KCNB2: variants seen among roughly 807,000 people sequenced by gnomAD.
The protein encoded by KCNB2 is potassium voltage-gated channel subfamily B member 2.
KCNB2 carries 15 observed loss-of-function variants against 61.5 expected under a neutral mutation model. The observed-to-expected ratio is 0.24, with a 90% CI of 0.16 to 0.38. The LOEUF (loss-of-function observed/expected upper bound fraction) is 0.38, where lower values mean the gene tolerates loss of function less well. Among genes scored for constraint, KCNB2 ranks in the 10% least tolerant of loss-of-function variants. The pLI, the probability that KCNB2 is intolerant of heterozygous loss-of-function variation, is 1.00. For synonymous variants in KCNB2, 457 were observed against 446.0 expected (o/e 1.02, Z -0.31); for missense variants, 828 against 1,125.2 (o/e 0.74, Z 3.78).
At chr8:72,903,913 C>T (rs1262034020) in intron 2 of KCNB2, among the ~76,000 whole-genome samples, 31 of 152,140 alleles carry the variant, frequency 2.0e-4, no homozygotes, top group Admixed American at 1.3e-4. Context: ...TTGCCCTTGA[C>T]GAGACTCCAT....
intron 2 of KCNB2, among the ~76,000 whole-genome samples, chr8:72,904,839 C>T (rs948220380): frequency 6.6e-6 from 1 of 152,024 alleles, no homozygotes; most frequent in African/African-American, 2.4e-5. Context: ...CCTTACTTGC[C>T]TCCTTCCCTC....
chr8:72,577,583 T>C (rs998796905), intron 2 of KCNB2, among the ~76,000 whole-genome samples: 4 of 152,202 alleles, frequency 2.6e-5, no homozygotes, highest in African/African-American at 9.7e-5. Context: ...AATATTTTTA[T>C]TAGTCTCCCA....
intron 2 of KCNB2, among the ~76,000 whole-genome samples, chr8:72,806,449 A>G (rs1355032569): frequency 6.6e-6 from 1 of 151,566 alleles, no homozygotes; most frequent in Non-Finnish European, 1.5e-5. Flanking sequence ...CTACTAAAAA[A>G]TACAAAAAAT....
chr8:72,912,641 C>T (rs904190673), intron 2 of KCNB2, among the ~76,000 whole-genome samples: 1 of 151,800 alleles, frequency 6.6e-6, no homozygotes, highest in Non-Finnish European at 1.5e-5. Context: ...ACAACTTTAT[C>T]ATGTAGTACT....
At chr8:72,788,475 A>C (rs191057657) in intron 2 of KCNB2, among the ~76,000 whole-genome samples, 1 of 152,060 alleles carries the variant, frequency 6.6e-6, no homozygotes, top group Non-Finnish European at 1.5e-5. Context: ...CATTTCACCT[A>C]ATTACCCCCT....
chr8:72,869,756 T>C (rs1448821380), intron 2 of KCNB2, among the ~76,000 whole-genome samples: 1 of 152,124 alleles, frequency 6.6e-6, no homozygotes, highest in Non-Finnish European at 1.5e-5. Flanking sequence ...TGTAAATGAG[T>C]ATAGCCACTA....
At chr8:72,844,551 T>C (rs913201660) in intron 2 of KCNB2, among the ~76,000 whole-genome samples, 6 of 152,200 alleles carry the variant, frequency 3.9e-5, no homozygotes, top group Admixed American at 6.5e-5. Context: ...TTGGTTCCAT[T>C]CTCCTTGTCA....
chr8:72,722,549 T>C (rs1585853064), intron 2 of KCNB2, among the ~76,000 whole-genome samples: 1 of 152,212 alleles, frequency 6.6e-6, no homozygotes, highest in East Asian at 1.9e-4. Context: ...TATTCCTTTG[T>C]AGTACTTGTC....
chr8:72,624,243 G>T lies in KCNB2; in HGVS notation c.579+55930G>T, dbSNP rs184100528. Among the ~76,000 whole-genome samples the T allele has an allele frequency of 1.8e-3, 271 of 152,252 alleles. 3 individuals carry two copies. Among genetic ancestry groups the T allele is most frequent in the Non-Finnish European group, 3.1e-3 (212 of 68,034 alleles). Reference sequence around the variant, plus strand: ...CTTGGCTTTCTGTGCTAGTGTCTCAGTCAAAGCTATGGAATTGGATAGTTC... The same window carrying T: ...CTTGGCTTTCTGTGCTAGTGTCTCATTCAAAGCTATGGAATTGGATAGTTC... On this transcript the variant is annotated intron_variant, in intron 2 of 2. Transcript: ENST00000523207.
intron 2 of KCNB2, among the ~76,000 whole-genome samples, chr8:72,818,896 A>G (rs1028096010): frequency 1.3e-5 from 2 of 152,110 alleles, no homozygotes; most frequent in African/African-American, 4.8e-5. Context: ...AGACTCTCCC[A>G]ATCTCACACC....
At chr8:72,923,179 T>A (rs1806557235) in intron 2 of KCNB2, among the ~76,000 whole-genome samples, 1 of 152,078 alleles carries the variant, frequency 6.6e-6, no homozygotes, top group Non-Finnish European at 1.5e-5. Context: ...ATTATGCAGA[T>A]GAAGCCTTCA....
At chr8:72,860,099 T>C (rs1810275839) in intron 2 of KCNB2, among the ~76,000 whole-genome samples, 1 of 152,224 alleles carries the variant, frequency 6.6e-6, no homozygotes, top group Non-Finnish European at 1.5e-5. Context: ...CTGATGGGCA[T>C]TTATGTTGAT....
chr8:72,924,161 G>A (rs1456370261), intron 2 of KCNB2, among the ~76,000 whole-genome samples: 1 of 152,164 alleles, frequency 6.6e-6, no homozygotes, highest in Non-Finnish European at 1.5e-5. Context: ...TGGCTGTCAA[G>A]CACAGGCTGG....
chr8:72,717,797 G>A (rs1034502888), intron 2 of KCNB2, among the ~76,000 whole-genome samples: 1 of 152,144 alleles, frequency 6.6e-6, no homozygotes, highest in Non-Finnish European at 1.5e-5. Context: ...GGCAACAAAA[G>A]CCAAAATTGA....
At chr8:72,688,964 A>G (rs551073032) in intron 2 of KCNB2, among the ~76,000 whole-genome samples, 27 of 152,324 alleles carry the variant, frequency 1.8e-4, no homozygotes, top group African/African-American at 5.8e-4. Flanking sequence ...CCTGGCCTCA[A>G]GCAATCTGTC....
In KCNB2 at chr8:72,834,541, A is replaced by G. The variant is rs62520263; in HGVS notation, c.580-101394A>G. On this transcript the variant is annotated intron_variant, in intron 2 of 2. Transcript: ENST00000523207. ...ATTTCAAATCTTTGACATGGAGTGG[A>G]ACCAAACCAAAATTCCTTGCTGGAA... 8.5e-3 allele frequency among the ~76,000 whole-genome samples: 1,290 copies of G among 152,294 alleles called. 7 individuals carry two copies. Among genetic ancestry groups the G allele is most frequent in the Non-Finnish European group, 0.014 (949 of 68,024 alleles).
intron 2 of KCNB2, among the ~76,000 whole-genome samples, chr8:72,571,037 A>G (rs2128979322): frequency 6.6e-6 from 1 of 152,336 alleles, no homozygotes; most frequent in East Asian, 1.9e-4. Context: ...GTTTTTATAT[A>G]ACTTAATAGA....
At chr8:72,543,955 A>T (rs1340842024) in intron 1 of KCNB2, among the ~76,000 whole-genome samples, 1 of 152,208 alleles carries the variant, frequency 6.6e-6, no homozygotes, top group African/African-American at 2.4e-5. Flanking sequence ...GCGGCTGACT[A>T]AATACAAATA....
intron 2 of KCNB2, among the ~76,000 whole-genome samples, chr8:72,802,153 T>TA (rs1358268424): frequency 6.6e-6 from 1 of 152,204 alleles, no homozygotes; most frequent in Non-Finnish European, 1.5e-5. Flanking sequence ...TATTTGGTAT[T>TA]AAACAGCTGT....
Sources: gnomAD v4.1 joint callset for allele counts (sites outside exome capture counted in the v4.1 genomes callset) on GRCh38, gnomAD v4.1.1 for gene constraint, MANE v1.5 for transcripts, NCBI Gene and HGNC (gene_info 2026-07-23, HGNC 2026-07-21) for gene names.